Variants in DNAH5 observed in about 807,000 individuals in gnomAD.
DNAH5 encodes the protein axonemal beta dynein heavy chain 5.
DNAH5 carries 372 observed loss-of-function variants against 518.2 expected under a neutral mutation model. That is an observed-to-expected ratio of 0.72 (90% CI 0.66 to 0.78). The LOEUF is 0.78. DNAH5 is among the 30% of genes least tolerant of loss of function. The probability of loss-of-function intolerance (pLI) is 0.00; values close to 1 mark genes in which losing one functional copy is unlikely to be tolerated. For synonymous variants in DNAH5, 2,039 were observed against 2,025.9 expected (o/e 1.01, Z -0.17); for missense variants, 5,523 against 5,687.0 (o/e 0.97, Z 0.93).
chr5:13,897,636 C>G (rs746394423), intron 15 of DNAH5: 3 of 152,208 alleles, frequency 2.0e-5, no homozygotes, highest in Non-Finnish European at 2.9e-5. Context: ...CACAATAATT[C>G]TGCAACACTT....
chr5:14,008,587 T>C (rs1295759737), intron 1 of DNAH5, among the ~76,000 whole-genome samples: 3 of 151,360 alleles, frequency 2.0e-5, no homozygotes, highest in South Asian at 2.1e-4. Flanking sequence ...AGGTTGCAGA[T>C]TGCACTACTG....
chr5:13,796,400 C>T (rs1426894539), intron 47 of DNAH5, among the ~76,000 whole-genome samples: 2 of 152,134 alleles, frequency 1.3e-5, no homozygotes, highest in African/African-American at 4.8e-5. Flanking sequence ...TTCCTATACA[C>T]CATTAACAGA....
intron 47 of DNAH5, among the ~76,000 whole-genome samples, chr5:13,795,498 A>G (rs189751561): frequency 6.6e-6 from 1 of 152,370 alleles, no homozygotes; most frequent in East Asian, 1.9e-4. Context: ...AGACTAAACC[A>G]GGAAGAAGCT....
exon 1 of DNAH5, among the ~76,000 whole-genome samples, chr5:14,011,676 G>C (rs1015913862): frequency 1.3e-5 from 2 of 152,114 alleles, no homozygotes; most frequent in African/African-American, 4.8e-5. Context: ...GTGCTGCGGC[G>C]CTCCGCTGGG....
chr5:13,929,691 A>T (rs1285062088), intron 2 of DNAH5, among the ~76,000 whole-genome samples: 2 of 152,150 alleles, frequency 1.3e-5, no homozygotes, highest in Non-Finnish European at 2.9e-5. Flanking sequence ...TGAAGCTCCT[A>T]TCCCTCCCCT....
intron 47 of DNAH5, among the ~76,000 whole-genome samples, chr5:13,800,399 T>G (rs1314302285): frequency 6.6e-6 from 1 of 152,176 alleles, no homozygotes; most frequent in Non-Finnish European, 1.5e-5. Context: ...ACTTCCTTAC[T>G]CAGCACAAAG....
In DNAH5 at chr5:13,793,682, T is replaced by C. The variant is rs747837696; in HGVS notation, c.8057A>G (p.Tyr2686Cys). The change falls in exon 49 of 79, where the codon TAT becomes TGT. Residue 2686 changes from tyrosine to cysteine, a missense_variant. Physicochemically the swap from Tyr to Cys is radical, Grantham distance 194 (BLOSUM62 -2). Around this residue, in one of 3 missense-constraint regions of DNAH5, gnomAD observed 5,121 missense variants for 5,223.3 expected, o/e 0.98. Coordinates refer to ENST00000265104, the MANE Select transcript of DNAH5 (RefSeq NM_001369.3). ...GAACTCCCCAGGCTTCTCTAGATTA[T>C]AGAATCCATTTTGTTCCATCAGCTG... ...VRQLMEQNGF[Y>C]NLEKPGEFTS... 5.6e-6 allele frequency: 9 copies of C among 1,614,066 alleles called. No individual in the cohort carries two copies. The highest frequency in any genetic ancestry group is 2.2e-5 in the East Asian group (1 of 44,894).
intron 17 of DNAH5, among the ~76,000 whole-genome samples, chr5:13,890,251 C>CA (rs1323868018): frequency 1.3e-5 from 2 of 151,774 alleles, no homozygotes; most frequent in African/African-American, 4.8e-5. Context: ...TACTAAAATA[C>CA]AAAAAATTAG....
At position 13,859,564 on chromosome 5, in the gene DNAH5, T is replaced by G; in HGVS notation, c.4838A>C (p.Gln1613Pro). ...PFKAQIQKWV[Q>P]YLSNSTDIIE... ...GATGTCTGTTGAGTTGGAAAGGTAC[T>G]GCACCCATTTTTGAATCTGGGCTTT... The change falls in exon 30 of 79, where the codon CAG (glutamine) becomes CCG (proline). Residue 1613 changes from glutamine (Q) to proline (P), a missense_variant. This residue lies in a region of DNAH5 where 5,121 missense variants were observed against 5,223.3 expected (regional missense o/e 0.98). Transcript: ENST00000265104. 1 of 1,614,148 alleles carries G rather than the reference T, an allele frequency of 6.2e-7. No individual in the cohort carries two copies. The highest frequency in any genetic ancestry group is 8.5e-7 in the Non-Finnish European group (1 of 1,179,974).
At chr5:13,843,204 T>C (rs1765519068) in intron 32 of DNAH5, among the ~76,000 whole-genome samples, 1 of 152,220 alleles carries the variant, frequency 6.6e-6, no homozygotes, top group African/African-American at 2.4e-5. Flanking sequence ...TGTTCAGCCT[T>C]TTTTATCCTG....
At chr5:13,791,104 T>A (rs28569154) in intron 50 of DNAH5, among the ~76,000 whole-genome samples, 3,840 of 150,370 alleles carry the variant, frequency 0.026, 99 homozygotes, top group African/African-American at 0.07. Flanking sequence ...AATAATTTTT[T>A]AAAAAAAAAA....
intron 1 of DNAH5, among the ~76,000 whole-genome samples, chr5:13,949,778 G>A (rs974836777): frequency 1.8e-4 from 27 of 152,226 alleles, no homozygotes; most frequent in Non-Finnish European, 4.4e-5. Context: ...TTAAAGAAAA[G>A]ACTGTCTAAG....
intron 11 of DNAH5, 60 bp from the exon 12 acceptor site, chr5:13,911,553 T>C (rs1442662922): frequency 7.6e-7 from 1 of 1,313,518 alleles, no homozygotes; most frequent in Non-Finnish European, 1.1e-6. Flanking sequence ...CCTAACTAAA[T>C]ATGACCCTTA....
At chr5:13,899,753 C>A (rs1774337962) in intron 15 of DNAH5, 1 of 178,766 alleles carries the variant, frequency 5.6e-6, no homozygotes, top group African/African-American at 2.4e-5. Context: ...TTCCTGAGTT[C>A]TCTTATAACC....
intron 68 of DNAH5, among the ~76,000 whole-genome samples, chr5:13,730,138 GT>G (rs1226981037): frequency 6.6e-6 from 1 of 151,624 alleles, no homozygotes; most frequent in Non-Finnish European, 1.5e-5. Flanking sequence ...TATGCCTGTG[GT>G]TATACCCTAA....
chr5:13,730,296 C>G lies in DNAH5; in HGVS notation c.11762-736G>C, dbSNP rs1579945526. On this transcript the variant is annotated intron_variant, in intron 68 of 78. Coordinates refer to ENST00000265104, the MANE Select transcript of DNAH5 (RefSeq NM_001369.3). ...GTTTTTGTTGTCCACTTCAGAACAA[C>G]TGAATGTGTGAGCAATCGTTATTTT... 2.0e-5 allele frequency among the ~76,000 whole-genome samples: 3 copies of G among 152,116 alleles called. No homozygotes were observed. The East Asian group carries it at 5.8e-4, about 29-fold the overall frequency.
chr5:13,741,059 T>G (rs1748452907), intron 65 of DNAH5, among the ~76,000 whole-genome samples: 1 of 152,198 alleles, frequency 6.6e-6, no homozygotes, highest in Admixed American at 6.6e-5. Flanking sequence ...CTTTTCAAAT[T>G]GATAAACTGA....
intron 75 of DNAH5, among the ~76,000 whole-genome samples, chr5:13,710,895 A>T (rs1271280454): frequency 6.6e-6 from 1 of 152,182 alleles, no homozygotes; most frequent in African/African-American, 2.4e-5. Context: ...AACATAAAAA[A>T]ATCTAAGACC....
chr5:13,952,199 A>G (rs1780469927), intron 1 of DNAH5, among the ~76,000 whole-genome samples: 1 of 152,236 alleles, frequency 6.6e-6, no homozygotes, highest in African/African-American at 2.4e-5. Context: ...CGTGAAAATA[A>G]GCAAGACATA....
Sources: gnomAD v4.1 joint callset for allele counts (sites outside exome capture counted in the v4.1 genomes callset) on GRCh38, gnomAD v4.1.1 for gene constraint, gnomAD v4.1.1 regional missense constraint, MANE v1.5 for transcripts, NCBI Gene and HGNC (gene_info 2026-07-23, HGNC 2026-07-21) for gene names.